The following TENM2 variants were observed in gnomAD, a reference collection of about 807,000 sequenced individuals.
TENM2 encodes teneurin transmembrane protein 2, also known as teneurin-2.
In TENM2, 52 loss-of-function variants were observed where a neutral mutation model predicts 245.2. The observed-to-expected ratio is 0.21, with a 90% CI of 0.17 to 0.27. TENM2 has a LOEUF of 0.27. Among genes scored for constraint, TENM2 ranks in the 10% least tolerant of loss-of-function variants. The pLI is 1.00. For synonymous variants in TENM2, 1,363 were observed against 1,438.9 expected, an observed-to-expected ratio of 0.95 and a Z score of 1.19; for missense variants, 3,046 against 3,666.8, an observed-to-expected ratio of 0.83 and a Z score of 4.37.
intron 12 of TENM2, among the ~76,000 whole-genome samples, chr5:168,139,315 G>A (rs937941821): frequency 6.6e-6 from 1 of 152,116 alleles, no homozygotes; most frequent in Non-Finnish European, 1.5e-5. Context: ...TTAATCCTCT[G>A]TATATGGCAC....
At chr5:167,468,947 A>G (rs1024462302) in intron 2 of TENM2, among the ~76,000 whole-genome samples, 1 of 152,176 alleles carries the variant, frequency 6.6e-6, no homozygotes, top group African/African-American at 2.4e-5. Context: ...CCCATGTTCA[A>G]ATGATGCCAC....
chr5:167,722,672 G>A (rs1582840858), intron 2 of TENM2, among the ~76,000 whole-genome samples: 1 of 152,048 alleles, frequency 6.6e-6, no homozygotes, highest in Non-Finnish European at 1.5e-5. Flanking sequence ...TACTAGGCAG[G>A]CAGCTGAGGC....
intron 2 of TENM2, among the ~76,000 whole-genome samples, chr5:167,553,298 G>A (rs1773073742): frequency 6.6e-6 from 1 of 152,226 alleles, no homozygotes. Flanking sequence ...AGTGTGTCAG[G>A]AACAGAGGGC....
intron 1 of TENM2, among the ~76,000 whole-genome samples, chr5:167,342,022 A>G (rs1283232729): frequency 6.6e-6 from 1 of 152,222 alleles, no homozygotes; most frequent in African/African-American, 2.4e-5. Context: ...GAGAGAGTAC[A>G]GAGAGTTCCT....
chr5:167,037,461 G>T, the TENM2 span, among the ~76,000 whole-genome samples: 2 of 152,054 alleles, frequency 1.3e-5, no homozygotes, highest in Non-Finnish European at 2.9e-5. Flanking sequence ...TAACTTCTTT[G>T]TTTAGACACT....
Position 167,305,821 on chromosome 5 carries a change from A to C in TENM2, c.226+20758A>C, listed in dbSNP as rs1755644197. On this transcript the variant is annotated intron_variant, in intron 1 of 28. Coordinates refer to ENST00000518659, the Ensembl canonical transcript of TENM2. ...TGCATTGAGTACGTCATTGGGTGCC[A>C]GGGATCCTCCAGTGCACCTCACAAG... 1.3e-5 allele frequency among the ~76,000 whole-genome samples: 2 copies of C among 152,332 alleles called. 1 individual carries two copies. The highest frequency in any genetic ancestry group is 4.8e-5 in the African/African-American group (2 of 41,574).
chr5:167,335,440 T>C (rs931118202), intron 1 of TENM2, among the ~76,000 whole-genome samples: 1 of 152,202 alleles, frequency 6.6e-6, no homozygotes, highest in Non-Finnish European at 1.5e-5. Flanking sequence ...CAAATATCAG[T>C]TGGCTGGCTA....
the TENM2 span, among the ~76,000 whole-genome samples, chr5:167,208,700 A>C: frequency 1.1e-4 from 17 of 152,232 alleles, no homozygotes; most frequent in African/African-American, 4.1e-4. Context: ...CATCTTCTTA[A>C]GACGATGTCA....
At chr5:168,019,329 C>T (rs1350888428) in intron 5 of TENM2, among the ~76,000 whole-genome samples, 3 of 152,126 alleles carry the variant, frequency 2.0e-5, no homozygotes, top group South Asian at 2.1e-4. Context: ...GGCATGGAGC[C>T]GTCTGGCAGC....
intron 2 of TENM2, among the ~76,000 whole-genome samples, chr5:167,463,110 T>G (rs1766426744): frequency 6.6e-6 from 1 of 152,170 alleles, no homozygotes; most frequent in Admixed American, 6.5e-5. Context: ...TAGAGATGTT[T>G]ATAAGGCATA....
At chr5:167,259,519 C>A in the TENM2 span, among the ~76,000 whole-genome samples, 135 of 152,280 alleles carry the variant, frequency 8.9e-4, no homozygotes, top group Non-Finnish European at 1.6e-3. Flanking sequence ...CTCCAATGGG[C>A]AAATGGTAAC....
chr5:167,193,028 C>T, the TENM2 span, among the ~76,000 whole-genome samples: 1 of 152,026 alleles, frequency 6.6e-6, no homozygotes. Context: ...GCATTTGAAT[C>T]TGCATTGCTA....
chr5:167,827,629 G>GGGA, intron 2 of TENM2, among the ~76,000 whole-genome samples: 1 of 3,160 alleles, frequency 3.2e-4, no homozygotes, highest in South Asian at 0.023. Flanking sequence ...CTAGGTGGGC[G>GGGA]GGGGGGGGGG....
At chr5:166,993,442 G>A in the TENM2 span, among the ~76,000 whole-genome samples, 1 of 152,118 alleles carries the variant, frequency 6.6e-6, no homozygotes, top group Non-Finnish European at 1.5e-5. Flanking sequence ...CCCACTAATA[G>A]CTCAGCCCGA....
At chr5:168,142,601 T>C (rs1233492965) in intron 12 of TENM2, among the ~76,000 whole-genome samples, 2 of 152,154 alleles carry the variant, frequency 1.3e-5, no homozygotes, top group Non-Finnish European at 2.9e-5. Context: ...GGCTGATAGA[T>C]AAAGAAGGTA....
At chr5:167,370,847 A>G (rs1760374178) in intron 1 of TENM2, among the ~76,000 whole-genome samples, 1 of 152,220 alleles carries the variant, frequency 6.6e-6, no homozygotes, top group South Asian at 2.1e-4. Context: ...TCCACTAGAA[A>G]TCTTAGCTTG....
At chr5:167,792,372 C>G (rs1765036657) in intron 2 of TENM2, among the ~76,000 whole-genome samples, 1 of 152,036 alleles carries the variant, frequency 6.6e-6, no homozygotes, top group Non-Finnish European at 1.5e-5. Flanking sequence ...AAGGCAGAGA[C>G]TGGTGGCACA....
At position 167,635,633 on chromosome 5, in the gene TENM2, C is replaced by CTTTTTTTTTTTTTT. The variant is rs76155764; in HGVS notation, c.503-240337_503-240324dup. Among the ~76,000 whole-genome samples the CTTTTTTTTTTTTTT allele has an allele frequency of 2.8e-3, 207 of 74,932 alleles. 41 individuals are homozygous for CTTTTTTTTTTTTTT. The East Asian group carries it at 0.029, about 10-fold the overall frequency. 49.2% of individuals were successfully genotyped at this position (74,932 alleles called of 152,430 possible). On this transcript the variant is annotated intron_variant, in intron 2 of 28. Coordinates refer to ENST00000518659, the Ensembl canonical transcript of TENM2. The stretch of plus-strand genomic sequence containing the variant: ...GGAATCTGGCTATGATCAGTACAGT[C>CTTTTTTTTTTTTTT]TTTTTTTTTTTTTTTTTTTTTTTTT...
intron 2 of TENM2, among the ~76,000 whole-genome samples, chr5:167,841,383 A>G (rs56924502): frequency 0.015 from 2,251 of 152,274 alleles, 63 homozygotes; most frequent in African/African-American, 0.051. Context: ...TAACTTTAAC[A>G]TTTTGATATA....
Sources: allele counts gnomAD v4.1 joint callset (sites outside exome capture counted in the v4.1 genomes callset), GRCh38; gene constraint gnomAD v4.1.1; transcripts MANE v1.5; gene names NCBI Gene and HGNC (gene_info 2026-07-23, HGNC 2026-07-21).